NRROS: variants seen among roughly 807,000 people sequenced by gnomAD.
NRROS encodes transforming growth factor beta activator LRRC33.
Under a neutral mutation model 12.0 loss-of-function variants are expected in NRROS, and 6 were observed. The ratio of observed to expected loss-of-function variants is 0.50; its 90% CI spans 0.27 to 0.98. The LOEUF is 0.98. Among genes scored for constraint, NRROS ranks in the 50% least tolerant of loss-of-function variants. The pLI, the probability that NRROS is intolerant of heterozygous loss-of-function variation, is 0.11. For synonymous variants in NRROS, 462 were observed against 410.2 expected, an observed-to-expected ratio of 1.13 and a Z score of -1.53; for missense variants, 857 against 888.2, an observed-to-expected ratio of 0.96 and a Z score of 0.45.
chr3:196,653,085 G>A (rs9833841), intron 1 of NRROS, among the ~76,000 whole-genome samples: 37,126 of 152,058 alleles, frequency 0.24, 4,796 homozygotes, highest in Non-Finnish European at 0.28. Flanking sequence ...GGTGCTGGGG[G>A]GATCCTGAGG....
At position 196,661,068 on chromosome 3, in the gene NRROS, G is replaced by T; in HGVS notation, c.1425G>T (p.Gly475=). ...TGTCTCTGGAGGGCTGTGGCCTGGG[G>T]GCATTGCCAGACTGCCCATTCCAAG... The part of the protein sequence containing the change: ...RSLSLEGCGL[G]ALPDCPFQGT... The change falls in exon 3 of 3, where the codon GGG becomes GGT. Residue 475 remains glycine, a synonymous_variant. Coordinates refer to ENST00000328557, the MANE Select transcript of NRROS (RefSeq NM_198565.3). The T allele has an allele frequency of 1.2e-6, 2 of 1,614,126 alleles. No individual in the cohort carries two copies. The highest frequency in any genetic ancestry group is 8.5e-7 in the Non-Finnish European group (1 of 1,180,034).
chr3:196,649,565 G>A lies in NRROS; in HGVS notation c.-13-4962G>A, dbSNP rs981752536. On this transcript the variant is annotated intron_variant, in intron 1 of 2. Coordinates refer to ENST00000328557, the MANE Select transcript of NRROS (RefSeq NM_198565.3). ...CGGCTCACTGCAAGCTCCACCTCCC[G>A]GGTTCACGCCATTCTCCTGCCTCAG... Among the ~76,000 whole-genome samples, 18 of 152,116 alleles carry A rather than the reference G, an allele frequency of 1.2e-4. No individual in the cohort carries two copies. The East Asian group carries it at 3.1e-3, about 26-fold the overall frequency.
At position 196,660,030 on chromosome 3, in the gene NRROS, C is replaced by T. The variant is rs764718562; in HGVS notation, c.387C>T (p.His129=). The T allele has an allele frequency of 5.8e-5, 94 of 1,613,312 alleles. No individual in the cohort carries two copies. Among genetic ancestry groups the T allele is most frequent in the Non-Finnish European group, 7.3e-5 (86 of 1,179,992 alleles). The change falls in exon 3 of 3, where the codon CAC becomes CAT. Residue 129 remains histidine (H), a synonymous_variant. Coordinates refer to ENST00000328557, the MANE Select transcript of NRROS (RefSeq NM_198565.3). This position sits in a 1 kb window ranked among gnomAD's most constrained non-coding sequence, Gnocchi z 7.7. ...ENYEETAAAL[H]ALPGLRRLDL... is the part of the protein sequence containing the mutation. The stretch of plus-strand genomic sequence containing the variant: ...ACGAAGAGACGGCAGCCGCCCTCCA[C>T]GCCCTGCCGGGCCTGCGGAGGCTGG...
Position 196,661,620 on chromosome 3 carries a change from C to T in NRROS, c.1977C>T (p.Ser659=). The change falls in exon 3 of 3, where the codon AGC becomes AGT. Residue 659 remains serine (S), a synonymous_variant. Coordinates refer to ENST00000328557, the MANE Select transcript of NRROS (RefSeq NM_198565.3). ...GLLYLVLILP[S]CLTLLVACTV... ...TCTACCTCGTGCTCATCCTCCCCAG[C>T]TGCCTCACCCTGCTGGTGGCCTGCA... is the stretch of plus-strand genomic sequence containing the variant. 2.5e-6 allele frequency: 4 copies of T among 1,612,828 alleles called. No individual in the cohort carries two copies. The highest frequency in any genetic ancestry group is 3.4e-6 in the Non-Finnish European group (4 of 1,180,018).
chr3:196,639,962 G>C (rs1024171064), intron 1 of NRROS, 87 bp downstream of exon 1: 3 of 152,458 alleles, frequency 2.0e-5, no homozygotes, highest in Non-Finnish European at 4.4e-5. Flanking sequence ...TGGGTGGTAG[G>C]AGGTCAGCGT....
In NRROS at chr3:196,659,733, G is replaced by C; in HGVS notation, c.109-19G>C. ...CCTCTGGGCCTCCTCGCTGCTGACC[G>C]GTGTGGTTTTGGCCGCAGGTGGGTG... On this transcript the variant is annotated intron_variant, in intron 2 of 2. Transcript: ENST00000328557. 1 of 1,595,958 alleles carries C rather than the reference G, an allele frequency of 6.3e-7. No homozygotes were observed. The highest frequency in any genetic ancestry group is 8.6e-7 in the Non-Finnish European group (1 of 1,169,560).
intron 1 of NRROS, among the ~76,000 whole-genome samples, chr3:196,642,242 G>C (rs998221405): frequency 2.0e-5 from 3 of 149,454 alleles, no homozygotes; most frequent in African/African-American, 4.9e-5. Context: ...AGATAGATTG[G>C]TTTGGTAGCA....
chr3:196,661,175 C>T lies in NRROS; in HGVS notation c.1532C>T (p.Pro511Leu), dbSNP rs775861475. 28 of 1,612,942 alleles carry T rather than the reference C, an allele frequency of 1.7e-5. 1 individual carries two copies. In the East Asian group the frequency reaches 5.6e-4, roughly 32 times the overall value. ...GSLAPLQDVA[P>L]MLQVLSLRNM... is the part of the protein sequence containing the mutation. ...CTCGCCCCACTCCAGGATGTTGCCC[C>T]CATGTTACAGGTCCTGTCTCTCAGG... Residue 511 changes from proline to leucine, a missense_variant, in exon 3 of 3, where the codon CCC becomes CTC. Pro to Leu is a moderately conservative substitution (Grantham distance 98). Coordinates refer to ENST00000328557, the MANE Select transcript of NRROS (RefSeq NM_198565.3).
Position 196,661,817 on chromosome 3 carries a change from G to A in NRROS, c.*95G>A, listed in dbSNP as rs372180810. 32 of 1,092,778 alleles carry A rather than the reference G, an allele frequency of 2.9e-5. No homozygotes were observed. The East Asian group carries it at 4.1e-4, about 14-fold the overall frequency. The allele number at this position is 1,092,778 out of a possible 1,614,324, so 67.7% of individuals were successfully genotyped here. Reference sequence around the variant, plus strand: ...ATGTGATGCAGAGGCCAAGTCTGACGAATTGAAGTTTCAATTAAAATTTAA... The same window carrying A: ...ATGTGATGCAGAGGCCAAGTCTGACAAATTGAAGTTTCAATTAAAATTTAA... On this transcript the variant is annotated 3_prime_UTR_variant, in exon 3 of 3. Transcript: ENST00000328557.
At chr3:196,641,401 C>G (rs843521) in intron 1 of NRROS, among the ~76,000 whole-genome samples, 100,786 of 151,714 alleles carry the variant, frequency 0.66, 34,427 homozygotes, top group African/African-American at 0.82. Flanking sequence ...TTTTTGTAGA[C>G]ACAGGATCTT....
chr3:196,660,005 A>G lies in NRROS; in HGVS notation c.362A>G (p.Tyr121Cys). Reference protein sequence around the residue: ...VLGDNCLSENYEETAAALHAL... With the variant: ...VLGDNCLSENCEETAAALHAL... ...GGGGACAACTGCCTCTCAGAGAACT[A>G]CGAAGAGACGGCAGCCGCCCTCCAC... Residue 121 changes from tyrosine to cysteine, a missense_variant, in exon 3 of 3, where the codon TAC (tyrosine) becomes TGC (cysteine). Physicochemically the swap from Tyr to Cys is radical, Grantham distance 194. Transcript: ENST00000328557. The surrounding 1 kb of genome is among the most constrained non-coding windows in gnomAD (Gnocchi z 7.7). 2 of 1,613,542 alleles carry G rather than the reference A, an allele frequency of 1.2e-6. No homozygotes were observed. Among genetic ancestry groups the G allele is most frequent in the South Asian group, 1.1e-5 (1 of 91,068 alleles).
At chr3:196,646,869 C>T (rs115296019) in intron 1 of NRROS, among the ~76,000 whole-genome samples, 1,946 of 152,284 alleles carry the variant, frequency 0.013, 34 homozygotes, top group South Asian at 0.051. Flanking sequence ...GCACTGCCTT[C>T]GCCGAGCCGC....
chr3:196,660,560 T>C lies in NRROS; in HGVS notation c.917T>C (p.Val306Ala), dbSNP rs752008655. Residue 306 changes from valine (V) to alanine (A), a missense_variant, in exon 3 of 3, where the codon GTG becomes GCG. By Grantham distance (64) the Val-to-Ala change is moderately conservative. Transcript: ENST00000328557. This position sits in a 1 kb window ranked among gnomAD's most constrained non-coding sequence, Gnocchi z 7.7. The stretch of plus-strand genomic sequence containing the variant: ...GAGATGGTGGCCCAGTTCCTCCTCG[T>C]GGACGGCAACGTGACCAACATCACC... Reference protein sequence around the residue: ...PREMVAQFLLVDGNVTNITTV... With the variant: ...PREMVAQFLLADGNVTNITTV... The C allele has an allele frequency of 6.8e-6, 11 of 1,614,134 alleles. No individual in the cohort carries two copies. The highest frequency in any genetic ancestry group is 8.5e-6 in the Non-Finnish European group (10 of 1,180,018).
chr3:196,640,249 A>G (rs1737182323), intron 1 of NRROS, among the ~76,000 whole-genome samples: 1 of 152,114 alleles, frequency 6.6e-6, no homozygotes, highest in Non-Finnish European at 1.5e-5. Context: ...GGGAACAGAG[A>G]TGCTCCCTCC....
In NRROS at chr3:196,660,969, C is replaced by T; in HGVS notation, c.1326C>T (p.Pro442=). The T allele has an allele frequency of 6.2e-7, 1 of 1,614,220 alleles. No individual in the cohort carries two copies. The highest frequency in any genetic ancestry group is 8.5e-7 in the Non-Finnish European group (1 of 1,180,044). The part of the protein sequence containing the change: ...DMSHNQISLC[P]LPAASDRVGP... ...GCCACAATCAGATCTCACTTTGTCC[C>T]CTGCCAGCTGCCTCGGACCGGGTGG... The change falls in exon 3 of 3, where the codon CCC becomes CCT. Residue 442 remains proline, a synonymous_variant. Coordinates refer to ENST00000328557, the MANE Select transcript of NRROS (RefSeq NM_198565.3). This position sits in a 1 kb window ranked among gnomAD's most constrained non-coding sequence, Gnocchi z 7.7.
At chr3:196,650,269 G>A (rs1369251029) in intron 1 of NRROS, among the ~76,000 whole-genome samples, 1 of 152,046 alleles carries the variant, frequency 6.6e-6, no homozygotes, top group Admixed American at 6.6e-5. Context: ...TCAGCCTCCC[G>A]AGTAGCTGGG....
intron 2 of NRROS, among the ~76,000 whole-genome samples, chr3:196,655,674 A>G (rs1401934327): frequency 6.6e-6 from 1 of 152,202 alleles, no homozygotes; most frequent in Non-Finnish European, 1.5e-5. Context: ...AGGCTTACAC[A>G]GCTGCGGGGA....
At chr3:196,644,693 A>C (rs1737272920) in intron 1 of NRROS, among the ~76,000 whole-genome samples, 1 of 148,754 alleles carries the variant, frequency 6.7e-6, no homozygotes, top group Non-Finnish European at 1.5e-5. Flanking sequence ...GAATCTCTTG[A>C]ACCCCGGAGG....
At chr3:196,644,469 T>C (rs1427146921) in intron 1 of NRROS, among the ~76,000 whole-genome samples, 2 of 151,936 alleles carry the variant, frequency 1.3e-5, no homozygotes, top group South Asian at 2.1e-4. Context: ...TATCAATGAC[T>C]GCAATGTACT....
Sources: gnomAD v4.1 joint callset for allele counts (sites outside exome capture counted in the v4.1 genomes callset) on GRCh38, gnomAD v4.1.1 for gene constraint, Gnocchi (gnomAD v3.1) non-coding constraint, MANE v1.5 for transcripts, NCBI Gene and HGNC (gene_info 2026-07-23, HGNC 2026-07-21) for gene names.